Variants in RNLS observed in about 807,000 individuals in gnomAD.
The protein encoded by RNLS is renalase, FAD dependent amine oxidase, also known as renalase.
A neutral mutation model predicts 39.8 loss-of-function variants in RNLS; 39 were observed. The observed-to-expected ratio is 0.98, with a 90% CI of 0.76 to 1.28. The LOEUF (loss-of-function observed/expected upper bound fraction) is 1.28, where lower values mean the gene tolerates loss of function less well. RNLS is among the 50% of genes most tolerant of loss of function. The probability of loss-of-function intolerance (pLI) is 0.00; values close to 1 mark genes in which losing one functional copy is unlikely to be tolerated. For synonymous variants in RNLS, 147 were observed against 150.7 expected (o/e 0.98, Z 0.18); for missense variants, 410 against 413.3 (o/e 0.99, Z 0.07).
At chr10:88,184,051 G>T in the RNLS span, among the ~76,000 whole-genome samples, 6 of 152,094 alleles carry the variant, frequency 3.9e-5, no homozygotes, top group South Asian at 1.2e-3. Flanking sequence ...TCTGGTAGTG[G>T]TGTTTCAGTC....
At chr10:88,428,539 G>A (rs1854946677) in intron 4 of RNLS, among the ~76,000 whole-genome samples, 1 of 151,952 alleles carries the variant, frequency 6.6e-6, no homozygotes, top group South Asian at 2.1e-4. Flanking sequence ...AGGATAGTGG[G>A]AGGATATTAT....
chr10:88,284,043 A>G, downstream of RNLS: 1 of 640,210 alleles, frequency 1.6e-6, no homozygotes, highest in Non-Finnish European at 1.9e-6. Flanking sequence ...CATTTTATAG[A>G]GACTACAAAT....
chr10:88,270,801 A>C (rs539477796), downstream of RNLS, among the ~76,000 whole-genome samples: 15 of 152,198 alleles, frequency 9.9e-5, no homozygotes, highest in Non-Finnish European at 2.2e-4. Context: ...CCAACTTCCA[A>C]GTAAATGGAA....
At chr10:88,355,598 C>A (rs979564352) in intron 5 of RNLS, among the ~76,000 whole-genome samples, 1 of 152,132 alleles carries the variant, frequency 6.6e-6, no homozygotes, top group Non-Finnish European at 1.5e-5. Context: ...GATACCTGGC[C>A]GTGTGACGTG....
At chr10:88,474,499 C>T (rs1454658325) in intron 4 of RNLS, among the ~76,000 whole-genome samples, 1 of 152,124 alleles carries the variant, frequency 6.6e-6, no homozygotes, top group Non-Finnish European at 1.5e-5. Context: ...TTTGCAAATG[C>T]CCTGTAGGAA....
At chr10:88,242,357 G>A in the RNLS span, among the ~76,000 whole-genome samples, 1 of 152,094 alleles carries the variant, frequency 6.6e-6, no homozygotes, top group Non-Finnish European at 1.5e-5. Flanking sequence ...ACATTTCAAT[G>A]CATTAAAAAT....
At chr10:88,424,049 C>T (rs1480106225) in intron 4 of RNLS, among the ~76,000 whole-genome samples, 2 of 152,194 alleles carry the variant, frequency 1.3e-5, no homozygotes, top group Admixed American at 6.5e-5. Flanking sequence ...CCACCCCCTG[C>T]CCTCCCTTAC....
intron 4 of RNLS, among the ~76,000 whole-genome samples, chr10:88,367,132 A>G (rs560665619): frequency 5.3e-5 from 8 of 152,188 alleles, no homozygotes; most frequent in African/African-American, 1.4e-4. Flanking sequence ...TTATGCCTTG[A>G]TGAATTTTCA....
chr10:88,464,434 A>G (rs1390098481), intron 4 of RNLS, among the ~76,000 whole-genome samples: 1 of 152,112 alleles, frequency 6.6e-6, no homozygotes, highest in Non-Finnish European at 1.5e-5. Flanking sequence ...GCATCAAATG[A>G]TTTTATAGCC....
intron 5 of RNLS, among the ~76,000 whole-genome samples, chr10:88,341,329 CAAAAAAAAAAAAA>C (rs755002114): frequency 2.0e-5 from 1 of 50,698 alleles, no homozygotes; most frequent in Non-Finnish European, 3.9e-5. Context: ...AACTCCATCT[CAAAAAAAAAAAAA>C]AAAAAAAAGA....
At chr10:88,523,947 T>C (rs1262838695) in intron 4 of RNLS, among the ~76,000 whole-genome samples, 1 of 152,154 alleles carries the variant, frequency 6.6e-6, no homozygotes, top group Admixed American at 6.6e-5. Flanking sequence ...GTCACTCAGC[T>C]GTAACATTGA....
chr10:88,213,331 A>G, the RNLS span, among the ~76,000 whole-genome samples: 2 of 151,790 alleles, frequency 1.3e-5, no homozygotes, highest in Non-Finnish European at 2.9e-5. Flanking sequence ...TAAAACTACA[A>G]TTCCTCATTT....
At chr10:88,407,837 C>T (rs1445874099) in intron 4 of RNLS, among the ~76,000 whole-genome samples, 2 of 152,084 alleles carry the variant, frequency 1.3e-5, no homozygotes, top group African/African-American at 4.8e-5. Flanking sequence ...GTGTGCAAAA[C>T]ATAAATGACA....
chr10:88,427,033 A>T (rs989576188), intron 4 of RNLS, among the ~76,000 whole-genome samples: 17 of 152,036 alleles, frequency 1.1e-4, no homozygotes, highest in African/African-American at 4.1e-4. Flanking sequence ...AATATTGATT[A>T]AGCATCTATA....
intron 5 of RNLS, among the ~76,000 whole-genome samples, chr10:88,361,402 T>G (rs1414971998): frequency 6.6e-6 from 1 of 152,182 alleles, no homozygotes; most frequent in Non-Finnish European, 1.5e-5. Context: ...ACAGATATCA[T>G]ATCTTATGAT....
At chr10:88,554,232 T>A (rs1372902289) in intron 4 of RNLS, among the ~76,000 whole-genome samples, 1 of 152,018 alleles carries the variant, frequency 6.6e-6, no homozygotes, top group African/African-American at 2.4e-5. Flanking sequence ...AAGTCCTTAA[T>A]TTTAACATTT....
the RNLS span, among the ~76,000 whole-genome samples, chr10:88,199,332 A>G: frequency 6.6e-6 from 1 of 152,150 alleles, no homozygotes; most frequent in Non-Finnish European, 1.5e-5. Flanking sequence ...GTAACTCTAC[A>G]TCAGATATTT....
At chr10:88,347,213 TG>T (rs1848367388) in intron 5 of RNLS, among the ~76,000 whole-genome samples, 1 of 152,154 alleles carries the variant, frequency 6.6e-6, no homozygotes, top group South Asian at 2.1e-4. Context: ...GGCACTTATC[TG>T]GGAAGCAGAG....
chr10:88,483,664 C>A (rs1272369241), intron 4 of RNLS, among the ~76,000 whole-genome samples: 2 of 151,870 alleles, frequency 1.3e-5, no homozygotes, highest in Non-Finnish European at 2.9e-5. Context: ...TCTCAAAGAC[C>A]AAATGCCATT....
Sources: gnomAD v4.1 joint callset for allele counts (sites outside exome capture counted in the v4.1 genomes callset) on GRCh38, gnomAD v4.1.1 for gene constraint, MANE v1.5 for transcripts, NCBI Gene and HGNC (gene_info 2026-07-23, HGNC 2026-07-21) for gene names.